CACNA1E: variants seen among roughly 807,000 people sequenced by gnomAD.
CACNA1E encodes the protein voltage-dependent R-type calcium channel subunit alpha-1E.
CACNA1E carries 40 observed loss-of-function variants against 259.2 expected under a neutral mutation model. The observed-to-expected ratio is 0.15, with a 90% CI of 0.12 to 0.20. The LOEUF is 0.20. Ranked by LOEUF, CACNA1E falls within the 10% of genes least tolerant of loss-of-function variation. The pLI, the probability that CACNA1E is intolerant of heterozygous loss-of-function variation, is 1.00. For synonymous variants in CACNA1E, 1,104 were observed against 1,138.5 expected, an observed-to-expected ratio of 0.97 and a Z score of 0.61; for missense variants, 1,874 against 3,040.1, an observed-to-expected ratio of 0.62 and a Z score of 9.02.
intron 6 of CACNA1E, among the ~76,000 whole-genome samples, chr1:181,632,094 A>G (rs1308282075): frequency 2.1e-5 from 3 of 143,476 alleles, no homozygotes; most frequent in Middle Eastern, 3.3e-3. Flanking sequence ...TTCACCTTGA[A>G]TTGAATAAGC....
At chr1:181,660,328 A>G (rs1310335066) in intron 7 of CACNA1E, among the ~76,000 whole-genome samples, 3 of 152,264 alleles carry the variant, frequency 2.0e-5, no homozygotes, top group Admixed American at 1.3e-4. Flanking sequence ...CTAGACATTT[A>G]GAATACAAAG....
chr1:181,713,345 C>T (rs547990554), intron 8 of CACNA1E, among the ~76,000 whole-genome samples: 18 of 152,140 alleles, frequency 1.2e-4, no homozygotes, highest in Non-Finnish European at 2.5e-4. Context: ...TTAAATGATG[C>T]CCTCCAAACA....
At chr1:181,754,080 G>C (rs746835785) in intron 27 of CACNA1E, among the ~76,000 whole-genome samples, 1 of 152,178 alleles carries the variant, frequency 6.6e-6, no homozygotes, top group Non-Finnish European at 1.5e-5. Flanking sequence ...CACACAGAGC[G>C]TGGCCAGGCT....
rs1314912476 is a variant in CACNA1E, at chr1:181,801,801, G to A, written c.*2967G>A. 1.3e-5 allele frequency: 2 copies of A among 152,152 alleles called. No homozygotes were observed. Among genetic ancestry groups the A allele is most frequent in the African/African-American group, 4.8e-5 (2 of 41,428 alleles). The allele number at this position is 152,152 out of a possible 1,614,324, so 9.4% of individuals were successfully genotyped here. ...CACAAGATCAAATTTGGGCACTGGT[G>A]GTCCACCTCAGAAGACTCTTGAGTC... On this transcript the variant is annotated 3_prime_UTR_variant, in exon 48 of 48. Transcript: ENST00000367573.
chr1:181,527,883 CTTTA>C lies in CACNA1E; in HGVS notation c.512+16377_512+16380del, dbSNP rs1667479184. On this transcript the variant is annotated intron_variant, in intron 3 of 47. Transcript: ENST00000367573. ...TAAATGGTTTGTTTTTATTCTTTTCCTTTATTTTATTTGCTATTTATTAGACTTT... is the reference window on the plus strand; with the variant it reads ...TAAATGGTTTGTTTTTATTCTTTTCCTTTTATTTGCTATTTATTAGACTTT... 2.0e-5 allele frequency among the ~76,000 whole-genome samples: 3 copies of C among 151,870 alleles called. 1 individual carries two copies. The highest frequency in any genetic ancestry group is 2.0e-4 in the Admixed American group (3 of 15,242).
intron 6 of CACNA1E, among the ~76,000 whole-genome samples, chr1:181,621,156 T>A (rs1293540337): frequency 6.6e-6 from 1 of 152,216 alleles, no homozygotes; most frequent in Non-Finnish European, 1.5e-5. Flanking sequence ...GTGACAAAAA[T>A]GTGTGGGCTG....
intron 1 of CACNA1E, among the ~76,000 whole-genome samples, chr1:181,392,202 C>T (rs1656348166): frequency 6.6e-6 from 1 of 152,214 alleles, no homozygotes; most frequent in South Asian, 2.1e-4. Flanking sequence ...CTCATCCAAT[C>T]TTACCTTCCA....
chr1:181,781,488 C>T lies in CACNA1E; in HGVS notation c.5329C>T (p.Leu1777Phe), dbSNP rs1377602660. 2 of 1,596,030 alleles carry T rather than the reference C, an allele frequency of 1.3e-6. No individual in the cohort carries two copies. The highest frequency in any genetic ancestry group is 1.7e-6 in the Non-Finnish European group (2 of 1,168,398). Residue 1777 changes from leucine (L) to phenylalanine (F), a missense_variant, in exon 39 of 48, where the codon CTC becomes TTC. Leu to Phe is a conservative substitution (Grantham distance 22). Coordinates refer to ENST00000367573, the MANE Select transcript of CACNA1E (RefSeq NM_001205293.3). ...MLTLMSPPLG[L>F]GKRCPSKVAY... ...GACTCTCATGTCACCTCCGCTAGGC[C>T]TCGGCAAGAGATGTCCCTCCAAAGT...
At chr1:181,464,982 C>T (rs1662063753) in intron 2 of CACNA1E, among the ~76,000 whole-genome samples, 1 of 151,992 alleles carries the variant, frequency 6.6e-6, no homozygotes, top group Non-Finnish European at 1.5e-5. Context: ...TCTTTTGCTC[C>T]TCACACCATT....
At chr1:181,748,605 C>G (rs1476150988) in intron 25 of CACNA1E, among the ~76,000 whole-genome samples, 1 of 152,178 alleles carries the variant, frequency 6.6e-6, no homozygotes, top group East Asian at 1.9e-4. Context: ...ATTGATCTCC[C>G]ACCCTATTCT....
At chr1:181,521,046 T>C (rs1209812032) in intron 3 of CACNA1E, among the ~76,000 whole-genome samples, 2 of 152,214 alleles carry the variant, frequency 1.3e-5, no homozygotes, top group Admixed American at 1.3e-4. Flanking sequence ...TTCCCTCTTG[T>C]CTTTCATTTC....
chr1:181,721,086 C>T (rs1654374124), intron 15 of CACNA1E, among the ~76,000 whole-genome samples: 1 of 152,232 alleles, frequency 6.6e-6, no homozygotes, highest in South Asian at 2.1e-4. Context: ...CACTGTCCTT[C>T]TCTCACACCT....
chr1:181,449,591 T>C (rs1661016469), intron 2 of CACNA1E, among the ~76,000 whole-genome samples: 1 of 152,192 alleles, frequency 6.6e-6, no homozygotes, highest in Non-Finnish European at 1.5e-5. Context: ...AGCTTCTGCA[T>C]TGAGAGTCAG....
At chr1:181,796,566 C>T in intron 46 of CACNA1E, 102 bp from the exon 47 acceptor site, 1 of 850,614 alleles carries the variant, frequency 1.2e-6, no homozygotes, top group Non-Finnish European at 1.7e-6. Flanking sequence ...CCTCTGAGGG[C>T]CCAACCCCAG....
At chr1:181,478,944 A>G (rs549060936), upstream of CACNA1E, among the ~76,000 whole-genome samples, 1 of 152,342 alleles carries the variant, frequency 6.6e-6, no homozygotes, top group East Asian at 1.9e-4. Flanking sequence ...TCCCCTTCAC[A>G]CCTGATTGCA....
rs939766300 is a variant in CACNA1E at position 181,806,601 on chromosome 1, G to A, written c.*7767G>A. 6.6e-6 allele frequency: 1 copy of A among 152,204 alleles called. No homozygotes were observed. Among genetic ancestry groups the A allele is most frequent in the African/African-American group, 2.4e-5 (1 of 41,428 alleles). 9.4% of individuals were successfully genotyped at this position (152,204 alleles called of 1,614,324 possible). A position where few individuals can be genotyped will look rare whatever the true frequency, so the allele number is the denominator to read the frequency against. ...ATGGCAGCTGATGCTGGCCCACCCA[G>A]AGTATCGGTGCATCTCTCCTAAAGC... On this transcript the variant is annotated 3_prime_UTR_variant, in exon 48 of 48. Transcript: ENST00000367573.
intron 6 of CACNA1E, among the ~76,000 whole-genome samples, chr1:181,583,237 TTC>T (rs1371546372): frequency 1.3e-5 from 2 of 152,122 alleles, no homozygotes; most frequent in Admixed American, 1.3e-4. Context: ...ATGTGTGTGT[TTC>T]TGCATATAGA....
intron 2 of CACNA1E, among the ~76,000 whole-genome samples, chr1:181,452,551 A>C (rs1032676648): frequency 6.6e-6 from 1 of 152,170 alleles, no homozygotes; most frequent in Non-Finnish European, 1.5e-5. Context: ...TTCTGCTCCC[A>C]GAGCCCTACC....
At chr1:181,797,797 T>A (rs1365224737) in intron 47 of CACNA1E, among the ~76,000 whole-genome samples, 1 of 152,108 alleles carries the variant, frequency 6.6e-6, no homozygotes, top group Non-Finnish European at 1.5e-5. Context: ...AGAAGCTGAG[T>A]TCAGCAAACC....
Sources: allele counts gnomAD v4.1 joint callset (sites outside exome capture counted in the v4.1 genomes callset), GRCh38; gene constraint gnomAD v4.1.1; transcripts MANE v1.5; gene names NCBI Gene and HGNC (gene_info 2026-07-23, HGNC 2026-07-21).